The following AGA variants were observed in gnomAD, a reference collection of about 807,000 sequenced individuals.
AGA encodes N(4)-(beta-N-acetylglucosaminyl)-L-asparaginase.
In AGA, 31 loss-of-function variants were observed where a neutral mutation model predicts 40.1. The ratio of observed to expected loss-of-function variants is 0.77; its 90% CI spans 0.58 to 1.04. The LOEUF (loss-of-function observed/expected upper bound fraction) is 1.04. Among genes scored for constraint, AGA ranks in the 50% least tolerant of loss-of-function variants. The probability of loss-of-function intolerance (pLI) is 0.00; values close to 1 mark genes in which losing one functional copy is unlikely to be tolerated. For missense variants in AGA, 445 were observed against 435.4 expected, an observed-to-expected ratio of 1.02 and a Z score of -0.20; for synonymous variants, 148 against 144.0, an observed-to-expected ratio of 1.03 and a Z score of -0.20.
chr4:177,440,711 A>G (rs538085443), intron 1 of AGA, among the ~76,000 whole-genome samples: 2 of 151,690 alleles, frequency 1.3e-5, no homozygotes, highest in East Asian at 1.9e-4. Context: ...CGAAATCAGT[A>G]TCCCCTCCTT....
chr4:177,433,213 C>A lies in AGA; in HGVS notation c.940+1G>T, dbSNP rs386833437. The A allele has an allele frequency of 3.1e-6, 5 of 1,613,916 alleles. No individual in the cohort carries two copies. The African/African-American group carries it at 5.3e-5, about 17-fold the overall frequency. On this transcript the variant is annotated splice_donor_variant, in intron 8 of 8. Coordinates refer to ENST00000264595, the MANE Select transcript of AGA (RefSeq NM_000027.4). LOFTEE classifies it high-confidence loss of function. The stretch of plus-strand genomic sequence containing the variant: ...AAATACAAAATCCAAACACAACTTA[C>A]CGTAACTTCCAGTCACATTGGCACA...
intron 5 of AGA, among the ~76,000 whole-genome samples, chr4:177,436,614 G>A (rs950222363): frequency 9.2e-5 from 14 of 152,080 alleles, no homozygotes; most frequent in Admixed American, 5.2e-4. Flanking sequence ...CTTCCACCAC[G>A]TGACGACACA....
At position 177,431,823 on chromosome 4, in the gene AGA, G is replaced by C; in HGVS notation, c.941-15C>G. 1 of 1,601,552 alleles carries C rather than the reference G, an allele frequency of 6.2e-7. No homozygotes were observed. The highest frequency in any genetic ancestry group is 8.6e-7 in the Non-Finnish European group (1 of 1,168,916). On this transcript the variant is annotated splice_polypyrimidine_tract_variant and intron_variant, in intron 8 of 8. Transcript: ENST00000264595. Reference sequence around the variant, plus strand: ...GCAAGCAGCACCTGGGGCCAAAAATGAGAAAGAAGTTTGGTGAACTATAGG... The same window carrying C: ...GCAAGCAGCACCTGGGGCCAAAAATCAGAAAGAAGTTTGGTGAACTATAGG...
At chr4:177,438,560 C>T (rs563287600) in intron 4 of AGA, among the ~76,000 whole-genome samples, 185 bp downstream of exon 4, 2 of 152,286 alleles carry the variant, frequency 1.3e-5, no homozygotes, top group East Asian at 1.9e-4. Flanking sequence ...GCTGGATATG[C>T]ACCCAATGCA....
At position 177,433,235 on chromosome 4, in the gene AGA, C is replaced by T. The variant is rs778088042; in HGVS notation, c.919G>A (p.Ala307Thr). The change falls in exon 8 of 9, where the codon GCC becomes ACC. Residue 307 changes from alanine (A) to threonine (T), a missense_variant. Coordinates refer to ENST00000264595, the MANE Select transcript of AGA (RefSeq NM_000027.4). ...TTACCGTAACTTCCAGTCACATTGG[C>T]ACATATAACAGCCCCAAAGAATTCT... ...FPEFFGAVIC[A>T]NVTGSYGAAC... The T allele has an allele frequency of 1.9e-6, 3 of 1,614,068 alleles. No homozygotes were observed. Among genetic ancestry groups the T allele is most frequent in the Admixed American group, 3.3e-5 (2 of 60,014 alleles).
intron 3 of AGA, among the ~76,000 whole-genome samples, chr4:177,439,167 A>T (rs1455720454): frequency 6.6e-6 from 1 of 152,080 alleles, no homozygotes; most frequent in Non-Finnish European, 1.5e-5. Flanking sequence ...TGGATCACGA[A>T]GTCAAGAGAT....
In AGA at chr4:177,431,756, A is replaced by G. The variant is rs1201784742; in HGVS notation, c.993T>C (p.Tyr331=). The G allele has an allele frequency of 6.2e-7, 1 of 1,613,976 alleles. No individual in the cohort carries two copies. Among genetic ancestry groups the G allele is most frequent in the South Asian group, 1.1e-5 (1 of 91,062 alleles). The change falls in exon 9 of 9, where the codon TAT becomes TAC. Residue 331 remains tyrosine (Y), a synonymous_variant. Transcript: ENST00000264595. The part of the protein sequence containing the change: ...STFTQFSFMV[Y]NSEKNQPTEE... ...CAGTTGGCTGATTTTTTTCGGAATT[A>G]TAAACCATGAAACTAAACTGAGTAA...
chr4:177,431,673 C>G lies in AGA; in HGVS notation c.*35G>C, dbSNP rs767154296. 17 of 1,549,568 alleles carry G rather than the reference C, an allele frequency of 1.1e-5. No individual in the cohort carries two copies. Among genetic ancestry groups the G allele is most frequent in the African/African-American group, 2.7e-5 (2 of 73,454 alleles). ...CAGCCTTTTCAGCCTTTGTTTCTTT[C>G]TTCTTTAAATACAGATGTTGACAGT... On this transcript the variant is annotated 3_prime_UTR_variant, in exon 9 of 9. Transcript: ENST00000264595.
At chr4:177,442,119 G>C in intron 1 of AGA, 130 bp downstream of exon 1, 1 of 1,378,424 alleles carries the variant, frequency 7.3e-7, no homozygotes, top group East Asian at 2.5e-5. Context: ...CTAGAGGGCG[G>C]GACCGCGAGG....
chr4:177,434,142 T>G (rs1736718534), intron 7 of AGA, among the ~76,000 whole-genome samples: 1 of 151,988 alleles, frequency 6.6e-6, no homozygotes, highest in Admixed American at 6.6e-5. Context: ...TATAGACTTG[T>G]GCCACCATGC....
At chr4:177,434,634 C>A in intron 6 of AGA, 145 bp from the exon 7 acceptor site, 1 of 688,898 alleles carries the variant, frequency 1.5e-6, no homozygotes, top group South Asian at 1.8e-5. Flanking sequence ...CAGAACAGGT[C>A]TTCATTAGTT....
chr4:177,434,892 A>C (rs887356599), intron 6 of AGA, among the ~76,000 whole-genome samples: 1 of 139,244 alleles, frequency 7.2e-6, no homozygotes, highest in Non-Finnish European at 1.6e-5. Flanking sequence ...ACATTTGAAA[A>C]CTGCGAAGTA....
rs1189458949 is a variant in AGA at position 177,437,497 on chromosome 4, T to C, written c.530A>G (p.Lys177Arg). ...YWRNVIPDPSKYCGPYKPPGI... is the reference protein window; with the variant it reads ...YWRNVIPDPSRYCGPYKPPGI... ...AGGTGGTTTGTAGGGTCCGCAGTAT[T>C]TTGAGGGATCTGGTATAACATTCTG... Residue 177 changes from lysine (K) to arginine (R), a missense_variant, in exon 5 of 9, where the codon AAA becomes AGA. By Grantham distance (26) the Lys-to-Arg change is conservative. Transcript: ENST00000264595. 6.2e-7 allele frequency: 1 copy of C among 1,610,628 alleles called. No individual in the cohort carries two copies. The highest frequency in any genetic ancestry group is 1.7e-5 in the Admixed American group (1 of 60,012).
chr4:177,438,264 T>G (rs914486509), intron 4 of AGA, among the ~76,000 whole-genome samples: 1 of 152,170 alleles, frequency 6.6e-6, no homozygotes, highest in Non-Finnish European at 1.5e-5. Context: ...AGAAGGACCC[T>G]GTACGGCAAA....
At chr4:177,439,024 C>T (rs1326329815) in intron 3 of AGA, among the ~76,000 whole-genome samples, 167 bp from the exon 4 acceptor site, 4 of 152,100 alleles carry the variant, frequency 2.6e-5, no homozygotes, top group Non-Finnish European at 5.9e-5. Context: ...ATTTTTAGAC[C>T]TTCGATTTCC....
chr4:177,436,852 G>C (rs1736839400), intron 5 of AGA, among the ~76,000 whole-genome samples: 1 of 152,200 alleles, frequency 6.6e-6, no homozygotes, highest in South Asian at 2.1e-4. Flanking sequence ...GGCTAAAAGG[G>C]CTTAATGCCA....
chr4:177,440,458 T>C (rs1211570531), intron 1 of AGA, 32 bp from the exon 2 acceptor site: 2 of 1,601,120 alleles, frequency 1.2e-6, no homozygotes, highest in South Asian at 1.1e-5. Context: ...TGCTTGTTTA[T>C]ATATATATTT....
chr4:177,440,304 C>T lies in AGA; in HGVS notation c.250G>A (p.Glu84Lys). 6.2e-7 allele frequency: 1 copy of T among 1,614,030 alleles called. No homozygotes were observed. Among genetic ancestry groups the T allele is most frequent in the Non-Finnish European group, 8.5e-7 (1 of 1,180,028 alleles). ...ATGATCATGGCATCTAGTGTGGTTT[C>T]TCCAAGTTCATCAGGACTTCCTCCA... ...GFGGSPDELGETTLDAMIMDG... is the reference protein window; with the variant it reads ...GFGGSPDELGKTTLDAMIMDG... Residue 84 changes from glutamate (E) to lysine (K), a missense_variant, in exon 2 of 9, where the codon GAA becomes AAA. Coordinates refer to ENST00000264595, the MANE Select transcript of AGA (RefSeq NM_000027.4).
Position 177,439,700 on chromosome 4 carries a change from T to TA in AGA, c.282-13dup. The TA allele has an allele frequency of 6.4e-7, 1 of 1,563,616 alleles. No homozygotes were observed. The highest frequency in any genetic ancestry group is 1.1e-5 in the South Asian group (1 of 90,174). The stretch of plus-strand genomic sequence containing the variant: ...CATCCATAGTAGTGCTGCAAGAAAA[T>TA]AGAATGCAGTTAGGAATTAAGGAGT... On this transcript the variant is annotated splice_polypyrimidine_tract_variant and intron_variant, in intron 2 of 8. Coordinates refer to ENST00000264595, the MANE Select transcript of AGA (RefSeq NM_000027.4).
Sources: gnomAD v4.1 joint callset for allele counts (sites outside exome capture counted in the v4.1 genomes callset) on GRCh38, gnomAD v4.1.1 for gene constraint, MANE v1.5 for transcripts, NCBI Gene and HGNC (gene_info 2026-07-23, HGNC 2026-07-21) for gene names.